ACSS3: variants seen among roughly 807,000 people sequenced by gnomAD.
ACSS3 encodes the protein acyl-CoA synthetase short chain family member 3.
In ACSS3, 64 loss-of-function variants were observed where a neutral mutation model predicts 84.2. The ratio of observed to expected loss-of-function variants is 0.76; its 90% CI spans 0.62 to 0.94. The LOEUF is 0.94. Ranked by LOEUF, ACSS3 falls within the 40% of genes least tolerant of loss-of-function variation. The pLI is 0.00. For missense variants in ACSS3, 815 were observed against 867.6 expected, an observed-to-expected ratio of 0.94 and a Z score of 0.76; for synonymous variants, 317 against 310.1, an observed-to-expected ratio of 1.02 and a Z score of -0.23.
chr12:81,079,700 T>C (rs1880850090), intron 1 of ACSS3, among the ~76,000 whole-genome samples: 1 of 152,178 alleles, frequency 6.6e-6, no homozygotes, highest in Non-Finnish European at 1.5e-5. Flanking sequence ...GTCCCTGCTT[T>C]CTAGAAGTCA....
At chr12:81,199,548 C>G in intron 9 of ACSS3, 104 bp downstream of exon 9, 5 of 1,462,316 alleles carry the variant, frequency 3.4e-6, no homozygotes, top group East Asian at 2.4e-5. Context: ...CAGACACAAA[C>G]TCGGGATTCG....
intron 2 of ACSS3, among the ~76,000 whole-genome samples, chr12:81,125,213 CA>C (rs534890795): frequency 6.7e-6 from 1 of 149,570 alleles, no homozygotes; most frequent in African/African-American, 2.5e-5. Context: ...GACTTCGTCT[CA>C]AAAAAAAAAA....
intron 1 of ACSS3, among the ~76,000 whole-genome samples, chr12:81,093,120 A>G (rs887002936): frequency 3.3e-5 from 5 of 152,136 alleles, no homozygotes; most frequent in African/African-American, 1.2e-4. Context: ...ATTGAGACTT[A>G]TGTTTAAATT....
chr12:81,174,147 A>G (rs1211747640), intron 7 of ACSS3, among the ~76,000 whole-genome samples: 1 of 152,214 alleles, frequency 6.6e-6, no homozygotes, highest in Admixed American at 6.5e-5. Context: ...CAGAAACATC[A>G]ACTAAACCTT....
chr12:81,189,673 C>G (rs551686178), intron 8 of ACSS3, among the ~76,000 whole-genome samples: 1 of 152,074 alleles, frequency 6.6e-6, no homozygotes, highest in Admixed American at 6.6e-5. Flanking sequence ...TTTACCATCA[C>G]AGTGGTGACT....
At chr12:81,141,299 A>G (rs1324712961) in intron 4 of ACSS3, among the ~76,000 whole-genome samples, 2 of 152,198 alleles carry the variant, frequency 1.3e-5, no homozygotes, top group Non-Finnish European at 2.9e-5. Flanking sequence ...GCAGTAACTA[A>G]GCCCAGTGGA....
chr12:81,115,826 C>A (rs1451653728), intron 2 of ACSS3, among the ~76,000 whole-genome samples: 1 of 152,012 alleles, frequency 6.6e-6, no homozygotes, highest in Non-Finnish European at 1.5e-5. Flanking sequence ...AGACATTTGC[C>A]CCTGTTTAAA....
intron 8 of ACSS3, among the ~76,000 whole-genome samples, chr12:81,179,271 C>CAAAAAAAAAAAAAAAAAAAAAAA (rs71098127): frequency 1.8e-4 from 12 of 66,804 alleles, no homozygotes; most frequent in East Asian, 9.8e-4. Context: ...AAGTAATTGC[C>CAAAAAAAAAAAAAAAAAAAAAAA]AAAAAAAAAA....
intron 8 of ACSS3, among the ~76,000 whole-genome samples, chr12:81,179,505 T>G (rs2030764835): frequency 6.6e-6 from 1 of 151,612 alleles, no homozygotes; most frequent in African/African-American, 2.4e-5. Flanking sequence ...ACAACCCCAT[T>G]AAGAAATGGG....
At chr12:81,186,870 G>A (rs1443562167) in intron 8 of ACSS3, among the ~76,000 whole-genome samples, 3 of 151,782 alleles carry the variant, frequency 2.0e-5, no homozygotes, top group Non-Finnish European at 4.4e-5. Context: ...TATACTCAAA[G>A]GAAATGAAGT....
At chr12:81,198,118 A>G (rs561203455) in intron 8 of ACSS3, among the ~76,000 whole-genome samples, 65 of 152,286 alleles carry the variant, frequency 4.3e-4, no homozygotes, top group African/African-American at 1.5e-3. Context: ...AGAAACCAAC[A>G]TGACTCTTCT....
In ACSS3 at chr12:81,090,338, A is replaced by C. The variant is rs541108612; in HGVS notation, c.311+11907A>C. Among the ~76,000 whole-genome samples, 4 of 152,086 alleles carry C rather than the reference A, an allele frequency of 2.6e-5. No individual in the cohort carries two copies. In the South Asian group the frequency reaches 8.3e-4, roughly 31 times the overall value. On this transcript the variant is annotated intron_variant, in intron 1 of 15. Coordinates refer to ENST00000548058, the MANE Select transcript of ACSS3 (RefSeq NM_024560.4). ...GCTCATCTACATTTTGTCACTTCACATCTATTATGTGAGCTCATGCTCTAT... is the reference window on the plus strand; with the variant it reads ...GCTCATCTACATTTTGTCACTTCACCTCTATTATGTGAGCTCATGCTCTAT...
At chr12:81,093,605 G>GTT (rs34300485) in intron 1 of ACSS3, among the ~76,000 whole-genome samples, 14 of 147,832 alleles carry the variant, frequency 9.5e-5, no homozygotes, top group African/African-American at 3.0e-4. Flanking sequence ...TCCCTTCAGT[G>GTT]TTTTTTTTTT....
At chr12:81,111,341 A>G (rs1342169420) in intron 2 of ACSS3, among the ~76,000 whole-genome samples, 2 of 152,168 alleles carry the variant, frequency 1.3e-5, no homozygotes, top group African/African-American at 4.8e-5. Flanking sequence ...GGATGGCACC[A>G]GGTTCAAGAG....
At chr12:81,154,978 G>C (rs1886791145) in intron 7 of ACSS3, among the ~76,000 whole-genome samples, 2 of 152,074 alleles carry the variant, frequency 1.3e-5, no homozygotes, top group South Asian at 4.1e-4. Flanking sequence ...TCACGTTCTT[G>C]GGCTGTGTGC....
At chr12:81,213,595 C>CCCTCCCCTCCTCCTCTCCTCTCCTCT (rs2032696905) in intron 9 of ACSS3, among the ~76,000 whole-genome samples, 1 of 10,204 alleles carries the variant, frequency 9.8e-5, no homozygotes, top group African/African-American at 3.1e-4. Flanking sequence ...CCCTCCCCTC[C>CCCTCCCCTCCTCCTCTCCTCTCCTCT]CCTCCCCTCC....
chr12:81,222,074 A>G (rs1484448862), intron 11 of ACSS3, among the ~76,000 whole-genome samples: 1 of 152,092 alleles, frequency 6.6e-6, no homozygotes, highest in African/African-American at 2.4e-5. Context: ...GTTATTTCAA[A>G]TACTTAAAAG....
chr12:81,213,577 C>T (rs1410780432), intron 9 of ACSS3, among the ~76,000 whole-genome samples: 31 of 35,780 alleles, frequency 8.7e-4, no homozygotes, highest in African/African-American at 1.4e-3. Flanking sequence ...CTCTCCTCTC[C>T]TCTCCTCCCC....
intron 1 of ACSS3, among the ~76,000 whole-genome samples, chr12:81,107,479 G>A (rs1883112538): frequency 1.1e-5 from 1 of 87,922 alleles, no homozygotes; most frequent in Admixed American, 1.5e-4. Flanking sequence ...TTCCCTGCCA[G>A]AAATGTTTTT....
Sources: allele counts gnomAD v4.1 joint callset (sites outside exome capture counted in the v4.1 genomes callset), GRCh38; gene constraint gnomAD v4.1.1; transcripts MANE v1.5; gene names NCBI Gene and HGNC (gene_info 2026-07-23, HGNC 2026-07-21).